SMPX: variants seen among roughly 807,000 people sequenced by gnomAD.
SMPX encodes the protein small muscle protein X-linked.
In SMPX, 2 loss-of-function variants were observed where a neutral mutation model predicts 6.3. That is an observed-to-expected ratio of 0.32 (90% confidence interval 0.13 to 0.99). The LOEUF is 0.99. Ranked by LOEUF, SMPX falls within the 50% of genes least tolerant of loss-of-function variation. SMPX has a pLI of 0.49. For missense variants in SMPX, 60 were observed against 66.8 expected (o/e 0.90, Z 0.36); for synonymous variants, 32 against 24.7 (o/e 1.30, Z -0.88).
chrX:21,723,017 T>C (rs2092793424), intron 4 of SMPX, among the ~76,000 whole-genome samples: 1 of 112,013 alleles, frequency 8.9e-6, no homozygotes, highest in Non-Finnish European at 1.9e-5. Flanking sequence ...CTTCTCACTG[T>C]ACTTTTGGAG....
At chrX:21,743,678 C>A in intron 3 of SMPX, 72 bp downstream of exon 3, 1 of 910,223 alleles carries the variant, frequency 1.1e-6, no homozygotes, top group Admixed American at 2.2e-5. Flanking sequence ...CCTTGCCTAG[C>A]CTCTGCCCCC....
intron 3 of SMPX, among the ~76,000 whole-genome samples, chrX:21,740,200 T>C (rs1325979105): frequency 2.7e-5 from 3 of 112,253 alleles, no homozygotes; most frequent in Non-Finnish European, 5.6e-5. Flanking sequence ...TCAGATTCCA[T>C]TTATATTATG....
At chrX:21,730,227 A>T (rs1054695806) in intron 4 of SMPX, among the ~76,000 whole-genome samples, 1 of 112,053 alleles carries the variant, frequency 8.9e-6, no homozygotes, top group African/African-American at 3.2e-5. Flanking sequence ...AGTGTGTTTA[A>T]GTCTAGTTCT....
chrX:21,731,078 C>T (rs1436248467), intron 4 of SMPX, among the ~76,000 whole-genome samples: 5 of 110,472 alleles, frequency 4.5e-5, no homozygotes, highest in Non-Finnish European at 7.6e-5. Context: ...TGTTTTCATT[C>T]GCCTCAAAGT....
At chrX:21,740,659 A>G (rs1314931720) in intron 3 of SMPX, among the ~76,000 whole-genome samples, 1 of 112,181 alleles carries the variant, frequency 8.9e-6, no homozygotes, top group Admixed American at 9.4e-5. Context: ...ACATGTACTA[A>G]CTCATTTAAT....
chrX:21,725,858 G>A (rs1008327373), intron 4 of SMPX, among the ~76,000 whole-genome samples: 7 of 111,704 alleles, frequency 6.3e-5, no homozygotes, highest in African/African-American at 2.0e-4. Flanking sequence ...CTTCATATTC[G>A]CTGGGGAAAT....
intron 4 of SMPX, among the ~76,000 whole-genome samples, chrX:21,735,388 A>T (rs1330843522): frequency 8.9e-6 from 1 of 112,624 alleles, no homozygotes; most frequent in Non-Finnish European, 1.9e-5. Flanking sequence ...AGAATAAGGA[A>T]AAATAGGTCT....
chrX:21,739,989 C>T (rs2092814380), intron 3 of SMPX, among the ~76,000 whole-genome samples: 1 of 112,176 alleles, frequency 8.9e-6, no homozygotes, highest in Non-Finnish European at 1.9e-5. Flanking sequence ...TTCCTCTCTA[C>T]TTATTAAAAC....
intron 4 of SMPX, among the ~76,000 whole-genome samples, chrX:21,711,932 C>T (rs2092779212): frequency 1.8e-5 from 2 of 111,824 alleles, no homozygotes; most frequent in Non-Finnish European, 3.8e-5. Context: ...ATAAGACAAA[C>T]GCCTGGCATT....
intron 4 of SMPX, among the ~76,000 whole-genome samples, chrX:21,709,095 A>T (rs2147369701): frequency 8.9e-6 from 1 of 112,118 alleles, no homozygotes. Context: ...TTTTTAAGAA[A>T]TTATCAATTT....
chrX:21,752,665 G>A (rs1044033081), intron 2 of SMPX, among the ~76,000 whole-genome samples: 2 of 110,112 alleles, frequency 1.8e-5, no homozygotes, highest in African/African-American at 3.3e-5. Flanking sequence ...CTACAGGTGT[G>A]TGCCACAATG....
At chrX:21,727,560 A>G (rs1384666281) in intron 4 of SMPX, 1 of 112,058 alleles carries the variant, frequency 8.9e-6, no homozygotes, top group Non-Finnish European at 1.9e-5. Context: ...GCAATAGGAC[A>G]CGCTTGCTTT....
Position 21,754,381 on chromosome X carries a change from A to T in SMPX, c.-12-79T>A, listed in dbSNP as rs150242820. On this transcript the variant is annotated intron_variant, in intron 1 of 4. Coordinates refer to ENST00000379494, the MANE Select transcript of SMPX (RefSeq NM_014332.3). ...TTGATAAATTAGAATTTAACTCATGATTCAACTGGGCAGTCACCCCTTTCA... is the reference window on the plus strand; with the variant it reads ...TTGATAAATTAGAATTTAACTCATGTTTCAACTGGGCAGTCACCCCTTTCA... 1.0e-3 allele frequency: 820 copies of T among 797,372 alleles called. 6 individuals are homozygous for T. The African/African-American group carries it at 0.014, about 14-fold the overall frequency. 65.7% of individuals were successfully genotyped at this position (797,372 alleles called of 1,213,427 possible). A position where few individuals can be genotyped will look rare whatever the true frequency, so the allele number is the denominator to read the frequency against.
Position 21,729,296 on chromosome X carries a change from C to G in SMPX, c.*14+8253G>C, listed in dbSNP as rs2092800795. ...AAGCAAAGTCCGCAGCAAGCTGGAC[C>G]TAACATCAACCTTTCAAGCAGGTAA... is the stretch of plus-strand genomic sequence containing the variant. On this transcript the variant is annotated intron_variant, in intron 4 of 4. Transcript: ENST00000379494. Among the ~76,000 whole-genome samples, 3 of 112,763 alleles carry G rather than the reference C, an allele frequency of 2.7e-5. No homozygotes were observed. In the South Asian group the frequency reaches 1.1e-3, roughly 42 times the overall value.
At chrX:21,729,076 G>A (rs2092800578) in intron 4 of SMPX, among the ~76,000 whole-genome samples, 1 of 112,239 alleles carries the variant, frequency 8.9e-6, no homozygotes, top group African/African-American at 3.2e-5. Flanking sequence ...AAAAATAGTT[G>A]GGTTTGAGGC....
At chrX:21,724,547 A>T (rs2092795018) in intron 4 of SMPX, among the ~76,000 whole-genome samples, 1 of 112,377 alleles carries the variant, frequency 8.9e-6, no homozygotes, top group African/African-American at 3.2e-5. Context: ...CAGTGACAAA[A>T]GTCCTTCTGG....
chrX:21,722,345 A>G (rs781268548), intron 4 of SMPX, among the ~76,000 whole-genome samples: 1 of 112,305 alleles, frequency 8.9e-6, no homozygotes, highest in East Asian at 2.8e-4. Context: ...TTGTCTCAGC[A>G]TATATTTGAA....
intron 2 of SMPX, among the ~76,000 whole-genome samples, chrX:21,749,763 A>G (rs2092825483): frequency 8.9e-6 from 1 of 112,077 alleles, no homozygotes; most frequent in Non-Finnish European, 1.9e-5. Flanking sequence ...TGTCATCCTG[A>G]TAATAAACCT....
chrX:21,718,425 T>A (rs2092787735), intron 4 of SMPX, among the ~76,000 whole-genome samples: 1 of 112,151 alleles, frequency 8.9e-6, no homozygotes, highest in East Asian at 2.8e-4. Context: ...GCATTTCAGT[T>A]CCAGATCTCA....
Sources: gnomAD v4.1 joint callset for allele counts (sites outside exome capture counted in the v4.1 genomes callset) on GRCh38, gnomAD v4.1.1 for gene constraint, MANE v1.5 for transcripts, NCBI Gene and HGNC (gene_info 2026-07-23, HGNC 2026-07-21) for gene names.